Variants in HDAC9 observed in about 807,000 individuals in gnomAD.
HDAC9 encodes the protein MEF-2 interacting transcription repressor (MITR) protein.
A neutral mutation model predicts 139.4 loss-of-function variants in HDAC9; 41 were observed. The observed-to-expected ratio is 0.29, with a 90% CI of 0.23 to 0.38. The LOEUF is 0.38. HDAC9 is among the 10% of genes least tolerant of loss of function. HDAC9 has a pLI of 1.00. For missense variants in HDAC9, 1,147 were observed against 1,297.0 expected (o/e 0.88, Z 1.78); for synonymous variants, 517 against 476.2 (o/e 1.09, Z -1.12).
intron 1 of HDAC9, among the ~76,000 whole-genome samples, chr7:18,130,384 T>C (rs905259035): frequency 3.9e-5 from 6 of 152,124 alleles, no homozygotes; most frequent in African/African-American, 1.4e-4. Context: ...GGGACGGTGA[T>C]GCTGTTCATA....
At chr7:18,307,097 T>TTG (rs56020648) in intron 1 of HDAC9, among the ~76,000 whole-genome samples, 4,848 of 134,708 alleles carry the variant, frequency 0.036, 120 homozygotes, top group African/African-American at 0.1. Flanking sequence ...AGGGCAGTTC[T>TTG]TGTGTGTGTG....
intron 1 of HDAC9, among the ~76,000 whole-genome samples, chr7:18,340,113 G>A (rs929590258): frequency 1.3e-5 from 2 of 151,414 alleles, no homozygotes; most frequent in African/African-American, 4.8e-5. Context: ...ATATCCTCTT[G>A]ATAAATTGGC....
intron 1 of HDAC9, among the ~76,000 whole-genome samples, chr7:18,335,956 T>A (rs1781553702): frequency 6.6e-6 from 1 of 151,684 alleles, no homozygotes; most frequent in African/African-American, 2.4e-5. Context: ...TGTCTTTTTA[T>A]TTATTTTATT....
At chr7:18,870,081 C>T (rs1210667449) in intron 21 of HDAC9, among the ~76,000 whole-genome samples, 1 of 151,970 alleles carries the variant, frequency 6.6e-6, no homozygotes, top group African/African-American at 2.4e-5. Context: ...GACAGAGTTC[C>T]TGTACGCCAA....
upstream of HDAC9, among the ~76,000 whole-genome samples, chr7:18,493,191 T>C (rs1440322562): frequency 6.6e-6 from 1 of 151,880 alleles, no homozygotes; most frequent in Non-Finnish European, 1.5e-5. Context: ...TCAATTGTTG[T>C]TTGAAGGTGT....
intron 21 of HDAC9, among the ~76,000 whole-genome samples, chr7:18,858,354 G>A (rs1440121822): frequency 6.6e-6 from 1 of 152,152 alleles, no homozygotes; most frequent in African/African-American, 2.4e-5. Context: ...TTACAATCAT[G>A]GTGGGAGGCA....
At chr7:18,148,520 G>C (rs1319108233) in intron 1 of HDAC9, among the ~76,000 whole-genome samples, 1 of 152,116 alleles carries the variant, frequency 6.6e-6, no homozygotes, top group Non-Finnish European at 1.5e-5. Flanking sequence ...GCAATGGTGT[G>C]ATCTTGGCTA....
At chr7:18,543,765 T>C (rs1813776902) in intron 2 of HDAC9, 2 of 151,834 alleles carry the variant, frequency 1.3e-5, no homozygotes, top group Admixed American at 6.6e-5. Context: ...TATTTTGAGG[T>C]GATTTTGATC....
At chr7:18,747,922 C>A (rs549393008) in intron 13 of HDAC9, among the ~76,000 whole-genome samples, 1 of 152,112 alleles carries the variant, frequency 6.6e-6, no homozygotes, top group African/African-American at 2.4e-5. Context: ...TATTAAACTT[C>A]TTTTACAGCA....
chr7:18,854,654 G>C (rs1797543679), intron 21 of HDAC9, among the ~76,000 whole-genome samples: 1 of 151,626 alleles, frequency 6.6e-6, no homozygotes, highest in Non-Finnish European at 1.5e-5. Flanking sequence ...GTCTAGTATG[G>C]GATGCTAAAA....
intron 1 of HDAC9, among the ~76,000 whole-genome samples, chr7:18,486,697 T>C (rs1413653165): frequency 6.6e-6 from 1 of 152,096 alleles, no homozygotes; most frequent in Non-Finnish European, 1.5e-5. Flanking sequence ...TGTTTAATTA[T>C]AGGAAAATAA....
At chr7:18,289,331 T>C (rs1797658094), upstream of HDAC9, among the ~76,000 whole-genome samples, 1 of 152,290 alleles carries the variant, frequency 6.6e-6, no homozygotes, top group East Asian at 1.9e-4. Flanking sequence ...TCAATAAGTC[T>C]TCAAAGTTTT....
chr7:18,782,194 A>G (rs1378889882), intron 16 of HDAC9, among the ~76,000 whole-genome samples: 2 of 152,078 alleles, frequency 1.3e-5, no homozygotes, highest in South Asian at 2.1e-4. Context: ...TCATTTCCCA[A>G]CTTTCAGGGT....
At chr7:18,410,058 C>A (rs1487919311) in intron 1 of HDAC9, among the ~76,000 whole-genome samples, 2 of 151,886 alleles carry the variant, frequency 1.3e-5, no homozygotes, top group Admixed American at 6.6e-5. Flanking sequence ...CTCTTAGTAT[C>A]ATCATAATCT....
Position 18,996,757 on chromosome 7 carries a change from T to TAAAC in HDAC9, c.*697_*700dup, listed in dbSNP as rs1269521601. ...TGCAATATTTTATATCACTTTTTTT[T>TAAAC]AAACATCCCCAACATCTTTGTGTTC... On this transcript the variant is annotated 3_prime_UTR_variant, in exon 26 of 26. Coordinates refer to ENST00000686413, the MANE Select transcript of HDAC9 (RefSeq NM_178425.4). 1 of 152,162 alleles carries TAAAC rather than the reference T, an allele frequency of 6.6e-6. No homozygotes were observed. The highest frequency in any genetic ancestry group is 1.9e-4 in the East Asian group (1 of 5,178). 9.4% of individuals were successfully genotyped at this position (152,162 alleles called of 1,614,324 possible). A position where few individuals can be genotyped will look rare whatever the true frequency, so the allele number is the denominator to read the frequency against.
chr7:18,714,323 C>G (rs1301647584), intron 12 of HDAC9, among the ~76,000 whole-genome samples: 1 of 152,198 alleles, frequency 6.6e-6, no homozygotes. Flanking sequence ...TTGTTCTTAT[C>G]AACCCTGTTA....
At chr7:18,854,108 ACTT>A (rs2129226261) in intron 21 of HDAC9, among the ~76,000 whole-genome samples, 1 of 152,294 alleles carries the variant, frequency 6.6e-6, no homozygotes, top group South Asian at 2.1e-4. Flanking sequence ...ATACAATAAA[ACTT>A]CTATTTTAAA....
At chr7:18,514,973 A>G (rs548088314) in intron 2 of HDAC9, among the ~76,000 whole-genome samples, 9 of 152,306 alleles carry the variant, frequency 5.9e-5, no homozygotes, top group African/African-American at 7.2e-5. Flanking sequence ...TAATAACAAT[A>G]AAAATAATTT....
rs766925712 is a variant in HDAC9, at chr7:18,582,854, A to G, written c.23-2427A>G. On this transcript the variant is annotated intron_variant, in intron 2 of 25. Transcript: ENST00000686413. ...TTGGTTTTGCATAAGTTTTGTACCA[A>G]TTGACAGCTCCACTTGCCATAAATA... Among the ~76,000 whole-genome samples, 4 of 152,196 alleles carry G rather than the reference A, an allele frequency of 2.6e-5. 1 individual carries two copies. Among genetic ancestry groups the G allele is most frequent in the African/African-American group, 4.8e-5 (2 of 41,436 alleles).
Sources: gnomAD v4.1 joint callset for allele counts (sites outside exome capture counted in the v4.1 genomes callset) on GRCh38, gnomAD v4.1.1 for gene constraint, MANE v1.5 for transcripts, NCBI Gene and HGNC (gene_info 2026-07-23, HGNC 2026-07-21) for gene names.